The following CAMTA1 variants were observed in gnomAD, a reference collection of about 807,000 sequenced individuals.
CAMTA1 encodes the protein calmodulin-binding transcription activator 1.
Under a neutral mutation model 170.9 loss-of-function variants are expected in CAMTA1, and 27 were observed. The observed-to-expected ratio is 0.16, with a 90% CI of 0.12 to 0.22. The LOEUF (loss-of-function observed/expected upper bound fraction) is 0.22, where lower values mean the gene tolerates loss of function less well. CAMTA1 is among the 10% of genes least tolerant of loss of function. The pLI is 1.00. For missense variants in CAMTA1, 1,619 were observed against 2,217.2 expected (o/e 0.73, Z 5.42); for synonymous variants, 833 against 891.5 (o/e 0.93, Z 1.17).
chr1:6,963,487 G>C (rs1050442179), intron 3 of CAMTA1, among the ~76,000 whole-genome samples: 1 of 152,050 alleles, frequency 6.6e-6, no homozygotes, highest in African/African-American at 2.4e-5. Context: ...TATAAACCCT[G>C]TTCTTCAGGG....
rs1459354102 is a variant in CAMTA1, at chr1:7,443,996, C to T, written c.439-23834C>T. Among the ~76,000 whole-genome samples, 1 of 151,768 alleles carries T rather than the reference C, an allele frequency of 6.6e-6. No homozygotes were observed. Among genetic ancestry groups the T allele is most frequent in the East Asian group, 1.9e-4 (1 of 5,162 alleles). On this transcript the variant is annotated intron_variant, in intron 5 of 22. Coordinates refer to ENST00000303635, the MANE Select transcript of CAMTA1 (RefSeq NM_015215.4). This position sits in a 1 kb window ranked among gnomAD's most constrained non-coding sequence, Gnocchi z 4.1. The stretch of plus-strand genomic sequence containing the variant: ...GCCATCGAGCCCCTCCTTCAGGCCC[C>T]CAGAGGAAGCTGGAGGAGTTTGCGG...
chr1:7,761,770 A>G (rs1393014159), intron 22 of CAMTA1, among the ~76,000 whole-genome samples: 5 of 152,152 alleles, frequency 3.3e-5, no homozygotes, highest in Non-Finnish European at 7.3e-5. Flanking sequence ...TTTCCTTCCA[A>G]TGAATTTTTC....
At chr1:6,898,522 C>T (rs1676152031) in intron 3 of CAMTA1, among the ~76,000 whole-genome samples, 1 of 152,166 alleles carries the variant, frequency 6.6e-6, no homozygotes, top group Admixed American at 6.5e-5. Context: ...CACTATACTC[C>T]AGCCTGGGTG....
At position 7,251,824 on chromosome 1, in the gene CAMTA1, A is replaced by G. The variant is rs1284139745; in HGVS notation, c.438+2198A>G. On this transcript the variant is annotated intron_variant, in intron 5 of 22. Coordinates refer to ENST00000303635, the MANE Select transcript of CAMTA1 (RefSeq NM_015215.4). This position sits in a 1 kb window ranked among gnomAD's most constrained non-coding sequence, Gnocchi z 5.1. ...ACACTTCCTAGGTCAGATGGGATAC[A>G]AGCTGAGCCCTTAAAGTCGGGTGGG... Among the ~76,000 whole-genome samples the G allele has an allele frequency of 6.6e-6, 1 of 152,138 alleles. No individual in the cohort carries two copies. The highest frequency in any genetic ancestry group is 1.5e-5 in the Non-Finnish European group (1 of 68,016).
chr1:7,702,780 A>T (rs1003559812), intron 11 of CAMTA1, among the ~76,000 whole-genome samples: 1 of 152,172 alleles, frequency 6.6e-6, no homozygotes, highest in African/African-American at 2.4e-5. Context: ...ACCAGTGCCC[A>T]GGTCGAGATT....
intron 3 of CAMTA1, chr1:6,872,011 T>G: frequency 8.4e-7 from 1 of 1,184,198 alleles, no homozygotes; most frequent in South Asian, 2.7e-5. Flanking sequence ...CATTTCAGTT[T>G]TAAAATAAAG....
chr1:7,145,242 G>T (rs186794368), intron 4 of CAMTA1, among the ~76,000 whole-genome samples: 4 of 152,304 alleles, frequency 2.6e-5, no homozygotes, highest in Non-Finnish European at 4.4e-5. Context: ...GCATCTTTCC[G>T]CACCGCTCCT....
At chr1:7,379,442 T>C (rs77652070) in intron 5 of CAMTA1, among the ~76,000 whole-genome samples, 114 of 152,348 alleles carry the variant, frequency 7.5e-4, no homozygotes, top group African/African-American at 2.5e-3. Flanking sequence ...GATCGTTATC[T>C]GCAGAGATTC....
chr1:7,128,552 G>A (rs1645062760), intron 4 of CAMTA1, among the ~76,000 whole-genome samples: 1 of 152,222 alleles, frequency 6.6e-6, no homozygotes, highest in Admixed American at 6.5e-5. Flanking sequence ...TGTGAGATGG[G>A]CTAAGAAAAG....
chr1:7,237,235 A>G (rs1226417875), intron 4 of CAMTA1, among the ~76,000 whole-genome samples: 1 of 152,204 alleles, frequency 6.6e-6, no homozygotes, highest in Non-Finnish European at 1.5e-5. Flanking sequence ...GGGGTGCTGC[A>G]AGTAACAGAT....
At chr1:7,669,246 G>A (rs529278370) in intron 9 of CAMTA1, among the ~76,000 whole-genome samples, 18 of 152,338 alleles carry the variant, frequency 1.2e-4, no homozygotes, top group African/African-American at 4.3e-4. Flanking sequence ...GCAAGAGCAG[G>A]GGTGGAATAT....
chr1:7,465,101 C>T (rs186927561), intron 5 of CAMTA1, among the ~76,000 whole-genome samples: 14 of 152,260 alleles, frequency 9.2e-5, no homozygotes, highest in Admixed American at 9.2e-4. Context: ...AAGTCCTTAG[C>T]GTTCAGGGTG....
chr1:7,100,044 G>A (rs2148230410), intron 4 of CAMTA1, among the ~76,000 whole-genome samples: 1 of 152,270 alleles, frequency 6.6e-6, no homozygotes, highest in East Asian at 1.9e-4. Flanking sequence ...ATACAGATGT[G>A]TGAGCTCCCT....
chr1:7,664,455 T>A lies in CAMTA1; in HGVS notation c.1908T>A (p.Ser636Arg), dbSNP rs1390516962. 1 of 1,613,224 alleles carries A rather than the reference T, an allele frequency of 6.2e-7. No homozygotes were observed. Among genetic ancestry groups the A allele is most frequent in the Middle Eastern group, 1.6e-4 (1 of 6,062 alleles). The change falls in exon 9 of 23, where the codon AGT becomes AGA. Residue 636 changes from serine to arginine, a missense_variant. Coordinates refer to ENST00000303635, the MANE Select transcript of CAMTA1 (RefSeq NM_015215.4). ...PVEQNTHSSL[S>R]DSGGTFVMPT... is the part of the protein sequence containing the mutation. The stretch of plus-strand genomic sequence containing the variant: ...AGCAGAACACCCACAGCAGCCTGAG[T>A]GACTCTGGGGGCACCTTCGTGATGC...
At chr1:7,240,821 A>G (rs1664733007) in intron 4 of CAMTA1, among the ~76,000 whole-genome samples, 1 of 152,236 alleles carries the variant, frequency 6.6e-6, no homozygotes, top group African/African-American at 2.4e-5. Flanking sequence ...TCCTTTTCAT[A>G]TTAGCTTAAG....
intron 3 of CAMTA1, among the ~76,000 whole-genome samples, chr1:7,020,953 T>C (rs1380597761): frequency 6.6e-6 from 1 of 152,208 alleles, no homozygotes; most frequent in Non-Finnish European, 1.5e-5. Context: ...GCACTTCTTC[T>C]CCATCCCAGG....
intron 4 of CAMTA1, among the ~76,000 whole-genome samples, chr1:7,102,760 G>A (rs533905266): frequency 8.5e-5 from 13 of 152,228 alleles, no homozygotes; most frequent in South Asian, 2.1e-4. Flanking sequence ...AGTGTTGGGC[G>A]ATGCTGCCCT....
chr1:7,279,448 A>G (rs1671196955), intron 5 of CAMTA1, among the ~76,000 whole-genome samples: 1 of 152,168 alleles, frequency 6.6e-6, no homozygotes, highest in South Asian at 2.1e-4. Context: ...GTCTTGGAGC[A>G]GGGAAGCCAG....
rs1405870311 is a variant in CAMTA1 at position 7,058,376 on chromosome 1, T to C, written c.235-32928T>C. 2.0e-5 allele frequency among the ~76,000 whole-genome samples: 3 copies of C among 152,334 alleles called. No homozygotes were observed. In the East Asian group the frequency reaches 5.8e-4, roughly 29 times the overall value. ...AGTGGAAAAAGACATCCAAGCACTT[T>C]GTTCGTGGACCACTTTCCTGCCTGT... On this transcript the variant is annotated intron_variant, in intron 3 of 22. Coordinates refer to ENST00000303635, the MANE Select transcript of CAMTA1 (RefSeq NM_015215.4).
Sources: allele counts gnomAD v4.1 joint callset (sites outside exome capture counted in the v4.1 genomes callset), GRCh38; gene constraint gnomAD v4.1.1; non-coding constraint Gnocchi (gnomAD v3.1); transcripts MANE v1.5; gene names NCBI Gene and HGNC (gene_info 2026-07-23, HGNC 2026-07-21).